USH2A: variants seen among roughly 807,000 people sequenced by gnomAD.
USH2A encodes the protein usherin.
In USH2A, 443 loss-of-function variants were observed where a neutral mutation model predicts 538.9. The observed-to-expected ratio is 0.82, with a 90% CI of 0.76 to 0.89. The LOEUF is 0.89. Ranked by LOEUF, USH2A falls within the 40% of genes least tolerant of loss-of-function variation. The pLI is 0.00. For synonymous variants in USH2A, 2,413 were observed against 2,273.5 expected, an observed-to-expected ratio of 1.06 and a Z score of -1.75; for missense variants, 6,633 against 6,324.8, an observed-to-expected ratio of 1.05 and a Z score of -1.65.
At chr1:215,858,226 C>A (rs1487234041) in intron 44 of USH2A, among the ~76,000 whole-genome samples, 2 of 151,906 alleles carry the variant, frequency 1.3e-5, no homozygotes, top group Non-Finnish European at 2.9e-5. Flanking sequence ...ATTTTGTGGA[C>A]CACATAAATT....
intron 58 of USH2A, among the ~76,000 whole-genome samples, chr1:215,749,719 G>A (rs1379551232): frequency 6.6e-6 from 1 of 152,198 alleles, no homozygotes; most frequent in Non-Finnish European, 1.5e-5. Context: ...AGCAGTGGAA[G>A]CTCAAGTGAA....
intron 70 of USH2A, among the ~76,000 whole-genome samples, chr1:215,630,478 G>GTATATA (rs1656229420): frequency 2.8e-5 from 1 of 35,170 alleles, no homozygotes; most frequent in Non-Finnish European, 7.3e-5. Context: ...GTGTATGTGT[G>GTATATA]TGTGTATATA....
intron 21 of USH2A, among the ~76,000 whole-genome samples, chr1:216,154,308 A>G (rs1342083497): frequency 3.9e-5 from 6 of 152,214 alleles, no homozygotes; most frequent in Non-Finnish European, 8.8e-5. Context: ...TATGACAAAC[A>G]GTATATACCA....
chr1:216,387,760 G>A lies in USH2A; in HGVS notation c.652-22675C>T, dbSNP rs190988537. On this transcript the variant is annotated intron_variant, in intron 3 of 71. Coordinates refer to ENST00000307340, the MANE Select transcript of USH2A (RefSeq NM_206933.4). ...CAAAATGTGTCACAGGGTTTTTAAT[G>A]CTCTGTGCCACCAGAGACAGAAATG... Among the ~76,000 whole-genome samples, 367 of 152,186 alleles carry A rather than the reference G, an allele frequency of 2.4e-3. 3 individuals are homozygous for A. Among genetic ancestry groups the A allele is most frequent in the Middle Eastern group, 6.8e-3 (2 of 294 alleles).
At chr1:215,628,552 G>A (rs1196588056) in intron 71 of USH2A, among the ~76,000 whole-genome samples, 1 of 152,082 alleles carries the variant, frequency 6.6e-6, no homozygotes, top group Non-Finnish European at 1.5e-5. Context: ...CCAAGTGCTG[G>A]GATTACAGGC....
chr1:216,090,399 T>G (rs2032268184), intron 22 of USH2A, among the ~76,000 whole-genome samples: 1 of 147,926 alleles, frequency 6.8e-6, no homozygotes, highest in Non-Finnish European at 1.5e-5. Context: ...CTCGACAACA[T>G]GTATGACATA....
chr1:215,640,942 A>G (rs1361039966), intron 67 of USH2A, among the ~76,000 whole-genome samples: 2 of 151,888 alleles, frequency 1.3e-5, no homozygotes, highest in African/African-American at 2.4e-5. Flanking sequence ...AAGAAAACCA[A>G]TGGGAACATG....
chr1:216,291,241 G>T (rs2036995159), intron 10 of USH2A, among the ~76,000 whole-genome samples: 1 of 151,960 alleles, frequency 6.6e-6, no homozygotes, highest in African/African-American at 2.4e-5. Context: ...CCAGCCATTT[G>T]CCCATCTTAT....
At chr1:215,846,684 T>C (rs1010326839) in intron 44 of USH2A, among the ~76,000 whole-genome samples, 20 of 152,178 alleles carry the variant, frequency 1.3e-4, no homozygotes, top group African/African-American at 4.8e-4. Context: ...ATAACACTTA[T>C]GAAAGGAAAC....
At chr1:216,100,637 A>G (rs1477021382) in intron 21 of USH2A, among the ~76,000 whole-genome samples, 1 of 152,222 alleles carries the variant, frequency 6.6e-6, no homozygotes, top group Non-Finnish European at 1.5e-5. Context: ...TGTTGGAGTC[A>G]TCTATGTGGC....
At chr1:216,147,808 C>A (rs560444094) in intron 21 of USH2A, among the ~76,000 whole-genome samples, 2 of 151,462 alleles carry the variant, frequency 1.3e-5, no homozygotes, top group East Asian at 2.0e-4. Flanking sequence ...CCTCCTCCCC[C>A]AGGAGCTTGC....
At chr1:216,163,931 T>A (rs1295741324) in intron 21 of USH2A, among the ~76,000 whole-genome samples, 1 of 152,128 alleles carries the variant, frequency 6.6e-6, no homozygotes, top group African/African-American at 2.4e-5. Context: ...TGTTACTCAC[T>A]TATGTCTTTA....
rs755446698 is a variant in USH2A at position 216,125,440 on chromosome 1, CA to C, written c.4628-28228del. On this transcript the variant is annotated intron_variant, in intron 21 of 71. Transcript: ENST00000307340. ...TATTTTCTCTAAAGTAAGATGAAAT[CA>C]GATGCATGCATAAAGAAAATTAGGG... is the stretch of plus-strand genomic sequence containing the variant. Among the ~76,000 whole-genome samples the C allele has an allele frequency of 9.2e-5, 14 of 152,190 alleles. 1 individual carries two copies. Among genetic ancestry groups the C allele is most frequent in the Admixed American group, 3.3e-4 (5 of 15,280 alleles).
chr1:216,207,392 C>T lies in USH2A; in HGVS notation c.3197G>A (p.Ser1066Asn), dbSNP rs41302241. 4.3e-6 allele frequency: 7 copies of T among 1,613,980 alleles called. No homozygotes were observed. Among genetic ancestry groups the T allele is most frequent in the Non-Finnish European group, 5.9e-6 (7 of 1,179,940 alleles). ...QQPPPRGQVQ[S>N]SSAINLSWSP... The stretch of plus-strand genomic sequence containing the variant: ...CCAGGAGAGATTGATAGCAGAAGAA[C>T]TTTGAACTTGTCCTCTGGGCGGAGG... The change falls in exon 16 of 72, where the codon AGT becomes AAT. Residue 1066 changes from serine (S) to asparagine (N), a missense_variant. Coordinates refer to ENST00000307340, the MANE Select transcript of USH2A (RefSeq NM_206933.4).
intron 4 of USH2A, among the ~76,000 whole-genome samples, chr1:216,350,926 T>C (rs932524931): frequency 2.0e-5 from 3 of 152,170 alleles, no homozygotes; most frequent in Non-Finnish European, 2.9e-5. Context: ...GTTATGCCCC[T>C]GCAGCAGGCC....
chr1:216,176,648 C>T (rs184592081), intron 20 of USH2A, among the ~76,000 whole-genome samples: 49 of 152,218 alleles, frequency 3.2e-4, no homozygotes, highest in African/African-American at 1.1e-3. Flanking sequence ...TGGCATGCAT[C>T]CATCATTATG....
At chr1:216,318,814 C>T (rs971423602) in intron 9 of USH2A, among the ~76,000 whole-genome samples, 2 of 152,132 alleles carry the variant, frequency 1.3e-5, no homozygotes, top group Non-Finnish European at 2.9e-5. Context: ...ACATTCACCA[C>T]CTGAGACCAA....
intron 14 of USH2A, among the ~76,000 whole-genome samples, chr1:216,228,821 T>C (rs1404501725): frequency 6.6e-6 from 1 of 152,160 alleles, no homozygotes; most frequent in Non-Finnish European, 1.5e-5. Context: ...CCCCCATCAA[T>C]ATAACAGGAG....
At chr1:215,866,255 T>A (rs757400656) in intron 44 of USH2A, among the ~76,000 whole-genome samples, 14 of 152,130 alleles carry the variant, frequency 9.2e-5, no homozygotes, top group Non-Finnish European at 1.9e-4. Flanking sequence ...TGACACAAAT[T>A]AACAGATCAC....
Sources: gnomAD v4.1 joint callset for allele counts (sites outside exome capture counted in the v4.1 genomes callset) on GRCh38, gnomAD v4.1.1 for gene constraint, MANE v1.5 for transcripts, NCBI Gene and HGNC (gene_info 2026-07-23, HGNC 2026-07-21) for gene names.